Variants in OR51B5 observed in about 807,000 individuals in gnomAD.
The protein encoded by OR51B5 is olfactory receptor family 51 subfamily B member 5.
For missense variants in OR51B5, 456 were observed against 374.6 expected (o/e 1.22, Z -1.79); for synonymous variants, 186 against 144.8 (o/e 1.28, Z -2.04).
At chr11:5,439,346 C>T (rs559345424) in intron 1 of OR51B5, among the ~76,000 whole-genome samples, 1 of 152,246 alleles carries the variant, frequency 6.6e-6, no homozygotes, top group Admixed American at 6.5e-5. Context: ...TATAAATCTA[C>T]TCTACTTCCC....
chr11:5,490,162 G>T (rs570216725), intron 1 of OR51B5, among the ~76,000 whole-genome samples: 1 of 152,170 alleles, frequency 6.6e-6, no homozygotes, highest in African/African-American at 2.4e-5. Flanking sequence ...CTGTGCCTCA[G>T]TTTGGCCAAC....
intron 1 of OR51B5, chr11:5,440,854 CGTAGGAAA>C: frequency 6.2e-7 from 1 of 1,613,684 alleles, no homozygotes; most frequent in Non-Finnish European, 8.5e-7. Flanking sequence ...AGGATCAATG[CGTAGGAAA>C]GCAGGATGAA....
At chr11:5,463,579 G>A (rs760083541) in intron 1 of OR51B5, among the ~76,000 whole-genome samples, 2 of 152,138 alleles carry the variant, frequency 1.3e-5, no homozygotes, top group Non-Finnish European at 2.9e-5. Context: ...AAGATATTTT[G>A]GGGAGTGGAT....
upstream of OR51B5, among the ~76,000 whole-genome samples, chr11:5,347,661 T>A (rs1849013448): frequency 6.6e-6 from 1 of 151,822 alleles, no homozygotes; most frequent in African/African-American, 2.4e-5. Context: ...GAGGAAAACC[T>A]CCAGTAAAAG....
At chr11:5,489,537 C>T (rs1329724779) in intron 1 of OR51B5, 13 of 1,614,110 alleles carry the variant, frequency 8.1e-6, no homozygotes, top group Non-Finnish European at 1.1e-5. Flanking sequence ...AGCATGTGCA[C>T]ATCTTTCTGG....
chr11:5,361,361 G>T (rs2736557), intron 1 of OR51B5, among the ~76,000 whole-genome samples: 57,683 of 151,940 alleles, frequency 0.38, 11,181 homozygotes, highest in Non-Finnish European at 0.41. Context: ...GTGGGCCGTA[G>T]GGAGGAGTTT....
intron 1 of OR51B5, chr11:5,354,869 T>C (rs1433393318): frequency 3.8e-5 from 7 of 183,896 alleles, no homozygotes; most frequent in Non-Finnish European, 7.9e-5. Context: ...GAGAGAACTC[T>C]GAGGATGTTT....
intron 1 of OR51B5, among the ~76,000 whole-genome samples, chr11:5,421,085 A>C (rs1850327356): frequency 6.6e-6 from 1 of 152,238 alleles, no homozygotes; most frequent in South Asian, 2.1e-4. Flanking sequence ...CAAGCTAATG[A>C]AACTGTGATT....
At position 5,439,142 on chromosome 11, in the gene OR51B5, G is replaced by A. The variant is rs372553772; in HGVS notation, n.84+66427C>T. On this transcript the variant is annotated intron_variant and non_coding_transcript_variant, in intron 1 of 4. Coordinates refer to the OR51B5 transcript ENST00000415970. ...TCTTCCAGTTCTATTTGCCTGAATG[G>A]GAGCCCTAAAGTTGGAGTTTGCCTG... Among the ~76,000 whole-genome samples, 14 of 151,794 alleles carry A rather than the reference G, an allele frequency of 9.2e-5. No homozygotes were observed. The East Asian group carries it at 2.1e-3, about 23-fold the overall frequency.
At chr11:5,477,703 G>A (rs904276534) in intron 1 of OR51B5, among the ~76,000 whole-genome samples, 16 of 152,182 alleles carry the variant, frequency 1.1e-4, no homozygotes, top group Non-Finnish European at 2.1e-4. Flanking sequence ...CACTTGGGAA[G>A]CACAAGGGGT....
At chr11:5,465,811 G>A (rs1292799894) in intron 1 of OR51B5, among the ~76,000 whole-genome samples, 1 of 148,916 alleles carries the variant, frequency 6.7e-6, no homozygotes, top group Non-Finnish European at 1.5e-5. Context: ...ATCAATTCAA[G>A]ATGGATTAAA....
At chr11:5,360,390 A>G (rs1250501010) in intron 1 of OR51B5, among the ~76,000 whole-genome samples, 2 of 152,004 alleles carry the variant, frequency 1.3e-5, no homozygotes, top group Non-Finnish European at 2.9e-5. Flanking sequence ...ACATGAAAAA[A>G]TGCTCATCAT....
rs186580116 is a variant in OR51B5, at chr11:5,378,642, G to A, written n.85-31732C>T. 1.4e-4 allele frequency among the ~76,000 whole-genome samples: 22 copies of A among 152,302 alleles called. No individual in the cohort carries two copies. The East Asian group carries it at 4.0e-3, about 28-fold the overall frequency. On this transcript the variant is annotated intron_variant and non_coding_transcript_variant, in intron 1 of 4. Coordinates refer to the OR51B5 transcript ENST00000415970. ...AAAAAACAAACAGCCCCATCAACAA[G>A]TGGGCAAAGGATATGAACAGACACT...
rs7935438 is a variant in OR51B5, at chr11:5,389,059, G to A, written n.85-42149C>T. 2.9e-3 allele frequency among the ~76,000 whole-genome samples: 441 copies of A among 152,246 alleles called. 1 individual carries two copies. Among genetic ancestry groups the A allele is most frequent in the African/African-American group, 0.01 (419 of 41,548 alleles). On this transcript the variant is annotated intron_variant and non_coding_transcript_variant, in intron 1 of 4. Transcript: ENST00000415970. ...ATTTATCAATATATGGATGGTAAAT[G>A]AAATCATGGTAGTGGATGACATTAA... is the stretch of plus-strand genomic sequence containing the variant.
At chr11:5,379,889 T>C (rs1170210039) in intron 1 of OR51B5, among the ~76,000 whole-genome samples, 1 of 152,120 alleles carries the variant, frequency 6.6e-6, no homozygotes, top group Non-Finnish European at 1.5e-5. Flanking sequence ...GCTCTTTGTC[T>C]GCTTTCTGCC....
At chr11:5,451,113 C>G (rs12278135) in intron 1 of OR51B5, among the ~76,000 whole-genome samples, 2 of 152,038 alleles carry the variant, frequency 1.3e-5, no homozygotes, top group South Asian at 4.1e-4. Context: ...ATATCACATG[C>G]GTTCAATAAG....
At chr11:5,384,386 G>A (rs12360746) in intron 1 of OR51B5, among the ~76,000 whole-genome samples, 184 of 152,206 alleles carry the variant, frequency 1.2e-3, no homozygotes, top group African/African-American at 4.2e-3. Context: ...AGAAACCAGG[G>A]TTCTCACAGA....
chr11:5,455,573 G>GAGAGAAAGAGAAAGAGAGAAAGAGAAAA lies in OR51B5; in HGVS notation n.84+49968_84+49995dup, dbSNP rs1554893758. 6.6e-3 allele frequency: 977 copies of GAGAGAAAGAGAAAGAGAGAAAGAGAAAA among 148,480 alleles called. 25 individuals are homozygous for GAGAGAAAGAGAAAGAGAGAAAGAGAAAA. Among genetic ancestry groups the GAGAGAAAGAGAAAGAGAGAAAGAGAAAA allele is most frequent in the African/African-American group, 0.024 (938 of 38,692 alleles). The allele number at this position is 148,480 out of a possible 1,614,324, so 9.2% of individuals were successfully genotyped here. A position where few individuals can be genotyped will look rare whatever the true frequency, so the allele number is the denominator to read the frequency against. On this transcript the variant is annotated intron_variant and non_coding_transcript_variant, in intron 1 of 4. Transcript: ENST00000415970. The stretch of plus-strand genomic sequence containing the variant: ...GGGGAGAAAGAAGGGGGGAGAGAGA[G>GAGAGAAAGAGAAAGAGAGAAAGAGAAAA]AGAGAAAGAGAAAGAGAGAAAGAGA...
intron 1 of OR51B5, among the ~76,000 whole-genome samples, chr11:5,356,587 C>A (rs1341568864): frequency 2.1e-5 from 3 of 141,796 alleles, no homozygotes; most frequent in Non-Finnish European, 3.1e-5. Flanking sequence ...CCCAATCTAG[C>A]AAGGCAGGTC....
Sources: allele counts gnomAD v4.1 joint callset (sites outside exome capture counted in the v4.1 genomes callset), GRCh38; gene constraint gnomAD v4.1.1; transcripts MANE v1.5; gene names NCBI Gene and HGNC (gene_info 2026-07-23, HGNC 2026-07-21).